The following XKR9 variants were observed in gnomAD, a reference collection of about 807,000 sequenced individuals.
XKR9 encodes the protein XK-related protein 9.
XKR9 carries 32 observed loss-of-function variants against 32.0 expected under a neutral mutation model. The observed-to-expected ratio is 1.00, with a 90% CI of 0.76 to 1.34. The LOEUF (loss-of-function observed/expected upper bound fraction) is 1.34. Among genes scored for constraint, XKR9 ranks in the 40% most tolerant of loss-of-function variants. XKR9 has a pLI of 0.00. For synonymous variants in XKR9, 168 were observed against 143.4 expected (o/e 1.17, Z -1.22); for missense variants, 546 against 429.7 (o/e 1.27, Z -2.39).
At chr8:70,939,196 C>T in the XKR9 span, among the ~76,000 whole-genome samples, 2 of 152,028 alleles carry the variant, frequency 1.3e-5, no homozygotes, top group South Asian at 4.1e-4. Context: ...TTCCTGTAAG[C>T]ATCTTGTACC....
the XKR9 span, among the ~76,000 whole-genome samples, chr8:70,898,293 C>T: frequency 6.6e-6 from 1 of 152,172 alleles, no homozygotes; most frequent in Non-Finnish European, 1.5e-5. Flanking sequence ...TCTTTCTATG[C>T]CAGTACCATG....
At chr8:70,790,649 A>T (rs1295721083), downstream of XKR9, among the ~76,000 whole-genome samples, 5 of 152,086 alleles carry the variant, frequency 3.3e-5, no homozygotes, top group Non-Finnish European at 5.9e-5. Context: ...AGTATATATT[A>T]TATGATAGTA....
chr8:70,867,194 G>T, the XKR9 span, among the ~76,000 whole-genome samples: 1 of 152,170 alleles, frequency 6.6e-6, no homozygotes, highest in African/African-American at 2.4e-5. Flanking sequence ...GAGAACTTGT[G>T]CAGGCAAACT....
intron 2 of XKR9, among the ~76,000 whole-genome samples, chr8:70,765,155 G>A (rs892267123): frequency 6.6e-6 from 1 of 152,132 alleles, no homozygotes; most frequent in African/African-American, 2.4e-5. Flanking sequence ...CTAGATCCTT[G>A]AAGAATCACC....
chr8:71,057,745 A>G, the XKR9 span, among the ~76,000 whole-genome samples: 1 of 152,080 alleles, frequency 6.6e-6, no homozygotes, highest in Non-Finnish European at 1.5e-5. Flanking sequence ...GGTACATCCT[A>G]TTAGCATTGT....
intron 2 of XKR9, among the ~76,000 whole-genome samples, chr8:70,747,773 A>C (rs1020452212): frequency 1.3e-5 from 2 of 152,148 alleles, no homozygotes; most frequent in Non-Finnish European, 2.9e-5. Flanking sequence ...GCAATGTAGA[A>C]ATTTTTATTT....
intron 2 of XKR9, among the ~76,000 whole-genome samples, chr8:70,789,171 T>C (rs1465572591): frequency 6.6e-6 from 1 of 151,992 alleles, no homozygotes; most frequent in African/African-American, 2.4e-5. Flanking sequence ...AACTTAGGTC[T>C]GAAGGGAAAT....
intron 3 of XKR9, among the ~76,000 whole-genome samples, chr8:70,703,540 AT>A (rs1185808902): frequency 6.6e-6 from 1 of 152,042 alleles, no homozygotes; most frequent in Non-Finnish European, 1.5e-5. Flanking sequence ...CATTCATTTT[AT>A]CATCTTCAAA....
At chr8:70,727,463 C>T (rs531393553) in intron 4 of XKR9, among the ~76,000 whole-genome samples, 5 of 151,900 alleles carry the variant, frequency 3.3e-5, no homozygotes, top group East Asian at 1.9e-4. Flanking sequence ...TGCAGTGGCG[C>T]GATCTTGGCT....
chr8:70,789,684 C>G (rs560888941), intron 3 of XKR9, among the ~76,000 whole-genome samples: 1 of 151,938 alleles, frequency 6.6e-6, no homozygotes, highest in Admixed American at 6.6e-5. Flanking sequence ...TCTTTCTACT[C>G]TATGGGATCT....
At chr8:70,672,623 T>C (rs1818751440) in intron 1 of XKR9, among the ~76,000 whole-genome samples, 3 of 152,206 alleles carry the variant, frequency 2.0e-5, no homozygotes, top group South Asian at 4.1e-4. Flanking sequence ...TGTGTGTGTG[T>C]GTATTTTATA....
At chr8:70,850,125 C>T in the XKR9 span, among the ~76,000 whole-genome samples, 1 of 151,974 alleles carries the variant, frequency 6.6e-6, no homozygotes, top group African/African-American at 2.4e-5. Context: ...TTCATGAGGC[C>T]AGCATCATCC....
the XKR9 span, among the ~76,000 whole-genome samples, chr8:70,946,646 G>A: frequency 1.3e-5 from 2 of 152,154 alleles, no homozygotes; most frequent in Admixed American, 6.5e-5. Flanking sequence ...TCTTATTACA[G>A]GATTCTAGGA....
At chr8:71,014,556 C>A in the XKR9 span, among the ~76,000 whole-genome samples, 1 of 152,146 alleles carries the variant, frequency 6.6e-6, no homozygotes, top group African/African-American at 2.4e-5. Flanking sequence ...AGAACACCTG[C>A]CATTGGATTT....
the XKR9 span, among the ~76,000 whole-genome samples, chr8:70,841,270 T>G: frequency 3.7e-4 from 56 of 152,288 alleles, no homozygotes; most frequent in African/African-American, 1.2e-3. Flanking sequence ...AAATAAAAAT[T>G]TCTGCTTATT....
At chr8:71,012,447 T>G in the XKR9 span, among the ~76,000 whole-genome samples, 1 of 152,174 alleles carries the variant, frequency 6.6e-6, no homozygotes, top group African/African-American at 2.4e-5. Flanking sequence ...ACTTAACTGC[T>G]CTAAGCTTTT....
At chr8:70,837,433 T>C in the XKR9 span, among the ~76,000 whole-genome samples, 2 of 152,060 alleles carry the variant, frequency 1.3e-5, no homozygotes, top group African/African-American at 2.4e-5. Context: ...TTATTGTGAA[T>C]TTGACTATGA....
At chr8:70,791,539 G>T (rs888078101), downstream of XKR9, among the ~76,000 whole-genome samples, 2 of 151,986 alleles carry the variant, frequency 1.3e-5, no homozygotes, top group African/African-American at 4.8e-5. Context: ...TGTGGGAGTG[G>T]GTTCCTTCCT....
chr8:70,843,017 T>G, the XKR9 span, among the ~76,000 whole-genome samples: 1 of 152,244 alleles, frequency 6.6e-6, no homozygotes, highest in African/African-American at 2.4e-5. Flanking sequence ...TATTTTTAAC[T>G]ATAATTAAGT....
Sources: allele counts gnomAD v4.1 joint callset (sites outside exome capture counted in the v4.1 genomes callset), GRCh38; gene constraint gnomAD v4.1.1; transcripts MANE v1.5; gene names NCBI Gene and HGNC (gene_info 2026-07-23, HGNC 2026-07-21).